TAF3: variants seen among roughly 807,000 people sequenced by gnomAD.
The protein encoded by TAF3 is TATA-box binding protein associated factor 3, also known as transcription initiation factor TFIID subunit 3.
TAF3 carries 7 observed loss-of-function variants against 80.6 expected under a neutral mutation model. The ratio of observed to expected loss-of-function variants is 0.09; its 90% confidence interval spans 0.05 to 0.16. TAF3 has a LOEUF of 0.16. Ranked by LOEUF, TAF3 falls within the 10% of genes least tolerant of loss-of-function variation. The pLI, the probability that TAF3 is intolerant of heterozygous loss-of-function variation, is 1.00. For synonymous variants in TAF3, 444 were observed against 446.1 expected, an observed-to-expected ratio of 1.00 and a Z score of 0.06; for missense variants, 921 against 1,140.2, an observed-to-expected ratio of 0.81 and a Z score of 2.77.
chr10:7,835,218 G>GA (rs900810127), intron 2 of TAF3, among the ~76,000 whole-genome samples: 1 of 151,872 alleles, frequency 6.6e-6, no homozygotes, highest in South Asian at 2.1e-4. Context: ...TGCTGAGCTA[G>GA]AAAAAAAAGT....
intron 4 of TAF3, among the ~76,000 whole-genome samples, chr10:7,983,893 CAAT>C (rs560970690): frequency 1.6e-3 from 244 of 151,840 alleles, no homozygotes; most frequent in African/African-American, 5.7e-3. Flanking sequence ...AAAATAACAA[CAAT>C]GACAAAAAGA....
rs775481987 is a variant in TAF3 at position 8,014,586 on chromosome 10, G to A, written c.2676-51G>A. 7 of 1,484,818 alleles carry A rather than the reference G, an allele frequency of 4.7e-6. No individual in the cohort carries two copies. The East Asian group carries it at 1.4e-4, about 30-fold the overall frequency. 92.0% of individuals were successfully genotyped at this position (1,484,818 alleles called of 1,614,324 possible). On this transcript the variant is annotated intron_variant, in intron 6 of 6. Coordinates refer to ENST00000344293, the MANE Select transcript of TAF3 (RefSeq NM_031923.4). ...TTACTTTAAAACATGGAAGGGAGAA[G>A]AATAGATGTCTGTATAAAAGTTGCT...
chr10:7,830,426 T>C (rs1203128254), intron 2 of TAF3, among the ~76,000 whole-genome samples: 1 of 148,080 alleles, frequency 6.8e-6, no homozygotes, highest in African/African-American at 2.5e-5. Flanking sequence ...CCTAGACACA[T>C]TAATTTAATG....
At chr10:7,949,353 C>G (rs1283585418) in intron 2 of TAF3, among the ~76,000 whole-genome samples, 1 of 152,204 alleles carries the variant, frequency 6.6e-6, no homozygotes, top group Admixed American at 6.5e-5. Context: ...TCAGCCTCTT[C>G]GACAGGATTG....
chr10:7,905,644 A>G (rs552563508), intron 2 of TAF3, among the ~76,000 whole-genome samples: 2 of 152,238 alleles, frequency 1.3e-5, no homozygotes, highest in African/African-American at 4.8e-5. Flanking sequence ...CACTGTGGAA[A>G]GCTGAGGCGG....
intron 2 of TAF3, among the ~76,000 whole-genome samples, chr10:7,881,961 C>T (rs1176463085): frequency 2.0e-5 from 3 of 152,148 alleles, no homozygotes; most frequent in Admixed American, 6.5e-5. Flanking sequence ...AATTCACCAG[C>T]GTGTCCTGGA....
intron 1 of TAF3, among the ~76,000 whole-genome samples, 199 bp downstream of exon 1, chr10:7,819,074 G>T (rs1485091964): frequency 2.6e-5 from 4 of 151,860 alleles, no homozygotes; most frequent in African/African-American, 9.7e-5. Flanking sequence ...TTCCTTATCC[G>T]CTAACTTCCC....
intron 2 of TAF3, among the ~76,000 whole-genome samples, chr10:7,917,024 AG>A (rs1184486615): frequency 6.6e-6 from 1 of 152,220 alleles, no homozygotes; most frequent in Non-Finnish European, 1.5e-5. Flanking sequence ...CTACTTACTA[AG>A]TTTATTCATT....
intron 2 of TAF3, among the ~76,000 whole-genome samples, chr10:7,911,037 G>A (rs1837652632): frequency 6.6e-6 from 1 of 152,212 alleles, no homozygotes; most frequent in African/African-American, 2.4e-5. Flanking sequence ...TAAATGAAAT[G>A]TATGTGTTGG....
At chr10:7,866,000 C>T (rs1837211158) in intron 2 of TAF3, among the ~76,000 whole-genome samples, 1 of 152,116 alleles carries the variant, frequency 6.6e-6, no homozygotes, top group African/African-American at 2.4e-5. Flanking sequence ...TTCGTTTTAC[C>T]CAATAGCATA....
At chr10:8,008,359 A>G (rs1369143219) in intron 4 of TAF3, among the ~76,000 whole-genome samples, 20 of 152,106 alleles carry the variant, frequency 1.3e-4, no homozygotes. Flanking sequence ...TCGGCCTCCC[A>G]GAGTGCTAGG....
At chr10:7,822,281 C>T (rs11255377) in intron 1 of TAF3, among the ~76,000 whole-genome samples, 1 of 149,042 alleles carries the variant, frequency 6.7e-6, no homozygotes, top group Non-Finnish European at 1.5e-5. Context: ...GGGACGGGGA[C>T]AGGGTTAGAA....
chr10:7,842,824 A>G (rs1021440579), intron 2 of TAF3, among the ~76,000 whole-genome samples: 1 of 152,128 alleles, frequency 6.6e-6, no homozygotes, highest in Non-Finnish European at 1.5e-5. Context: ...ATTTTTACAG[A>G]TCTTAGATAT....
chr10:7,971,353 T>C (rs1482377827), intron 3 of TAF3, among the ~76,000 whole-genome samples: 2 of 152,170 alleles, frequency 1.3e-5, no homozygotes, highest in Non-Finnish European at 2.9e-5. Context: ...CTTTCATCAG[T>C]ACTATTTGTG....
At chr10:7,827,640 C>T (rs530315018) in intron 2 of TAF3, among the ~76,000 whole-genome samples, 5 of 152,130 alleles carry the variant, frequency 3.3e-5, no homozygotes, top group Non-Finnish European at 5.9e-5. Context: ...ATTAGCTGGG[C>T]GTGGTGGCGG....
At chr10:7,900,003 G>A (rs753264774) in intron 2 of TAF3, among the ~76,000 whole-genome samples, 2 of 152,094 alleles carry the variant, frequency 1.3e-5, no homozygotes, top group Non-Finnish European at 1.5e-5. Context: ...GTTAGGCGGC[G>A]TCCACTCATA....
At chr10:7,973,721 T>C (rs1021123627) in intron 3 of TAF3, among the ~76,000 whole-genome samples, 1 of 152,248 alleles carries the variant, frequency 6.6e-6, no homozygotes, top group African/African-American at 2.4e-5. Flanking sequence ...ATTTTTGTTA[T>C]ATTTGTTTAT....
chr10:7,934,899 T>C (rs1422653562), intron 2 of TAF3, among the ~76,000 whole-genome samples: 1 of 152,156 alleles, frequency 6.6e-6, no homozygotes, highest in East Asian at 1.9e-4. Flanking sequence ...GTGCTGAAAA[T>C]ACATCAGTGA....
intron 2 of TAF3, among the ~76,000 whole-genome samples, chr10:7,957,627 T>A (rs1043101928): frequency 1.2e-4 from 19 of 152,324 alleles, no homozygotes; most frequent in Non-Finnish European, 2.5e-4. Flanking sequence ...ATCAATTTTT[T>A]AAATTTTTTT....
Sources: gnomAD v4.1 joint callset for allele counts (sites outside exome capture counted in the v4.1 genomes callset) on GRCh38, gnomAD v4.1.1 for gene constraint, MANE v1.5 for transcripts, NCBI Gene and HGNC (gene_info 2026-07-23, HGNC 2026-07-21) for gene names.